The following ATL3 variants were observed in gnomAD, a reference collection of about 807,000 sequenced individuals.
ATL3 encodes atlastin GTPase 3.
ATL3 carries 49 observed loss-of-function variants against 69.5 expected under a neutral mutation model. The observed-to-expected ratio is 0.71, with a 90% CI of 0.56 to 0.89. ATL3 has a LOEUF of 0.89. ATL3 is among the 40% of genes least tolerant of loss of function. ATL3 has a pLI of 0.00. For missense variants in ATL3, 606 were observed against 645.7 expected (o/e 0.94, Z 0.67); for synonymous variants, 214 against 224.1 (o/e 0.95, Z 0.40).
At chr11:63,671,789 G>C, upstream of ATL3, 1 of 1,144,320 alleles carries the variant, frequency 8.7e-7, no homozygotes, top group Non-Finnish European at 1.1e-6. Context: ...CAGGCTGTGC[G>C]GGAAGGGGCG....
rs960802716 is a variant in ATL3 at position 63,624,917 on chromosome 11, G to A, written c.*4402C>T. On this transcript the variant is annotated 3_prime_UTR_variant, in exon 13 of 13. Coordinates refer to ENST00000398868, the MANE Select transcript of ATL3 (RefSeq NM_015459.5). Reference sequence around the variant, plus strand: ...ACTTTCTCCTTGGTACTTCCCATTCGATGAAGCAGTCTCTCTCTGTGGTCT... The same window carrying A: ...ACTTTCTCCTTGGTACTTCCCATTCAATGAAGCAGTCTCTCTCTGTGGTCT... 3 of 152,066 alleles carry A rather than the reference G, an allele frequency of 2.0e-5. No individual in the cohort carries two copies. Among genetic ancestry groups the A allele is most frequent in the African/African-American group, 7.2e-5 (3 of 41,400 alleles). 9.4% of individuals were successfully genotyped at this position (152,066 alleles called of 1,614,324 possible).
At chr11:63,671,573 A>C, upstream of ATL3, 1 of 1,422,898 alleles carries the variant, frequency 7.0e-7, no homozygotes, top group South Asian at 1.4e-5. Flanking sequence ...CGGGGCGGGA[A>C]AGCGCACGCG....
intron 8 of ATL3, among the ~76,000 whole-genome samples, chr11:63,640,708 G>C (rs181827480): frequency 6.8e-6 from 1 of 148,018 alleles, no homozygotes; most frequent in Non-Finnish European, 1.5e-5. Context: ...AGATTCAGGC[G>C]ATTCTCCTGC....
intron 11 of ATL3, among the ~76,000 whole-genome samples, chr11:63,631,874 CA>C (rs1401755318): frequency 6.6e-6 from 1 of 152,140 alleles, no homozygotes; most frequent in African/African-American, 2.4e-5. Context: ...CCCAGCTACT[CA>C]GAAGGCTGAG....
intron 1 of ATL3, among the ~76,000 whole-genome samples, chr11:63,661,520 G>A (rs1227119441): frequency 1.3e-5 from 2 of 152,172 alleles, no homozygotes; most frequent in East Asian, 3.9e-4. Flanking sequence ...GAGATGGCAG[G>A]ATTGCTTGAG....
At position 63,626,750 on chromosome 11, in the gene ATL3, TAA is replaced by T. The variant is rs1240272515; in HGVS notation, c.*2567_*2568del. The T allele has an allele frequency of 2.6e-5, 4 of 152,310 alleles. No individual in the cohort carries two copies. The East Asian group carries it at 5.8e-4, about 22-fold the overall frequency. The allele number at this position is 152,310 out of a possible 1,614,324, so 9.4% of individuals were successfully genotyped here. On this transcript the variant is annotated 3_prime_UTR_variant, in exon 13 of 13. Transcript: ENST00000398868. Reference sequence around the variant, plus strand: ...AACCACAAGTAAAAGGTGAGAGAAGTAAAAGATATTATTTTTAACCTGGTTAT... The same window carrying T: ...AACCACAAGTAAAAGGTGAGAGAAGTAAGATATTATTTTTAACCTGGTTAT...
At chr11:63,662,170 GCCACTGCAC>G (rs1030419421) in intron 1 of ATL3, among the ~76,000 whole-genome samples, 7 of 143,652 alleles carry the variant, frequency 4.9e-5, no homozygotes, top group Admixed American at 2.1e-4. Flanking sequence ...CCAAGACCGT[GCCACTGCAC>G]TCCAGCCTAG....
rs144465786 is a variant in ATL3 at position 63,647,868 on chromosome 11, T to A, written c.562-1305A>T. ...AATGAGAACTGTCTCAAGTTTTGGC[T>A]TTCTCTGTTCTGCTAAGAAATCTGG... On this transcript the variant is annotated intron_variant, in intron 5 of 12. Coordinates refer to ENST00000398868, the MANE Select transcript of ATL3 (RefSeq NM_015459.5). Among the ~76,000 whole-genome samples the A allele has an allele frequency of 8.2e-3, 1,256 of 152,326 alleles. 19 individuals are homozygous for A. Among genetic ancestry groups the A allele is most frequent in the African/African-American group, 0.028 (1,157 of 41,566 alleles).
chr11:63,635,687 T>C (rs1452297505), intron 9 of ATL3, 97 bp from the exon 10 acceptor site: 1 of 959,528 alleles, frequency 1.0e-6, no homozygotes. Flanking sequence ...TGCATTTTCC[T>C]AAAGACTTAG....
At position 63,651,982 on chromosome 11, in the gene ATL3, T is replaced by C. The variant is rs2134507000; in HGVS notation, c.515A>G (p.Tyr172Cys). 2 of 1,602,606 alleles carry C rather than the reference T, an allele frequency of 1.2e-6. No homozygotes were observed. The highest frequency in any genetic ancestry group is 2.3e-5 in the East Asian group (1 of 44,412). Residue 172 changes from tyrosine (Y) to cysteine (C), a missense_variant, in exon 5 of 13, where the codon TAT becomes TGT. By Grantham distance (194) the Tyr-to-Cys change is radical (BLOSUM62 -2). Transcript: ENST00000398868. The stretch of plus-strand genomic sequence containing the variant: ...TTCTTGAATGTTCTGAGATAAATTA[T>C]AAATCTAGAAAACAAAAATCCAGAT... ...LSTMTSSVQI[Y>C]NLSQNIQEDD...
intron 3 of ATL3, among the ~76,000 whole-genome samples, chr11:63,654,240 A>G (rs1163226493): frequency 2.0e-5 from 3 of 146,730 alleles, no homozygotes; most frequent in Admixed American, 7.1e-5. Flanking sequence ...TCCGCCTCCC[A>G]GGTTCACGCC....
intron 10 of ATL3, among the ~76,000 whole-genome samples, 163 bp downstream of exon 10, chr11:63,635,370 AG>A (rs1375517809): frequency 2.7e-5 from 4 of 150,752 alleles, no homozygotes; most frequent in Admixed American, 6.7e-5. Flanking sequence ...GAACTAGAAA[AG>A]GTCGCCACAC....
At position 63,643,416 on chromosome 11, in the gene ATL3, A is replaced by C; in HGVS notation, c.791T>G (p.Leu264Arg). Residue 264 changes from leucine to arginine, a missense_variant, in exon 8 of 13, where the codon CTC becomes CGC. Leu to Arg is a moderately radical substitution (Grantham distance 102). Coordinates refer to ENST00000398868, the MANE Select transcript of ATL3 (RefSeq NM_015459.5). ...HSCFSDVTCFLLPHPGLQVAT... is the reference protein window; with the variant it reads ...HSCFSDVTCFRLPHPGLQVAT... Reference sequence around the variant, plus strand: ...CACCTGGAGTCCTGGATGTGGTAAGAGAAAGCAGGTGACATCGGAGAAACA... The same window carrying C: ...CACCTGGAGTCCTGGATGTGGTAAGCGAAAGCAGGTGACATCGGAGAAACA... The C allele has an allele frequency of 6.2e-7, 1 of 1,611,988 alleles. No homozygotes were observed.
At chr11:63,647,993 T>C (rs1371561210) in intron 5 of ATL3, among the ~76,000 whole-genome samples, 1 of 152,198 alleles carries the variant, frequency 6.6e-6, no homozygotes, top group Non-Finnish European at 1.5e-5. Flanking sequence ...GGAGGAGGTG[T>C]AGGAGTCCAG....
intron 8 of ATL3, among the ~76,000 whole-genome samples, chr11:63,640,316 C>T (rs1213957754): frequency 6.6e-6 from 1 of 151,866 alleles, no homozygotes; most frequent in Non-Finnish European, 1.5e-5. Flanking sequence ...GAGACAGGGT[C>T]TCACTCTGTC....
intron 6 of ATL3, 84 bp downstream of exon 6, chr11:63,646,423 T>C: frequency 1.3e-6 from 1 of 759,324 alleles, no homozygotes; most frequent in South Asian, 1.7e-5. Context: ...GGTGGCAAGC[T>C]AGATTTGGCC....
intron 4 of ATL3, among the ~76,000 whole-genome samples, chr11:63,652,260 T>C (rs995783775): frequency 6.6e-6 from 1 of 152,228 alleles, no homozygotes; most frequent in African/African-American, 2.4e-5. Flanking sequence ...TTTGGACTTT[T>C]CTTGGAACAT....
At chr11:63,668,130 A>T (rs1306887115) in intron 1 of ATL3, among the ~76,000 whole-genome samples, 1 of 152,252 alleles carries the variant, frequency 6.6e-6, no homozygotes, top group South Asian at 2.1e-4. Context: ...TGTATGACTC[A>T]GGGTAAAGTT....
At chr11:63,644,068 A>G in intron 7 of ATL3, 101 bp downstream of exon 7, 2 of 751,210 alleles carry the variant, frequency 2.7e-6, no homozygotes, top group South Asian at 1.6e-5. Flanking sequence ...AATGTATTCA[A>G]TATCATTTTC....
Sources: allele counts gnomAD v4.1 joint callset (sites outside exome capture counted in the v4.1 genomes callset), GRCh38; gene constraint gnomAD v4.1.1; transcripts MANE v1.5; gene names NCBI Gene and HGNC (gene_info 2026-07-23, HGNC 2026-07-21).